TNRC18: variants seen among roughly 807,000 people sequenced by gnomAD.
TNRC18 encodes the protein trinucleotide repeat containing 18.
In TNRC18, 69 loss-of-function variants were observed where a neutral mutation model predicts 226.7. The ratio of observed to expected loss-of-function variants is 0.30; its 90% confidence interval spans 0.25 to 0.37. The LOEUF is 0.37. TNRC18 is among the 10% of genes least tolerant of loss of function. The pLI is 1.00. For missense variants in TNRC18, 4,754 were observed against 4,256.6 expected, an observed-to-expected ratio of 1.12 and a Z score of -3.25; for synonymous variants, 2,449 against 1,927.6, an observed-to-expected ratio of 1.27 and a Z score of -7.09.
In TNRC18 at chr7:5,336,745, C is replaced by T. The variant is rs147586272; in HGVS notation, c.5720-3696G>A. On this transcript the variant is annotated intron_variant, in intron 18 of 29. Coordinates refer to ENST00000430969, the MANE Select transcript of TNRC18 (RefSeq NM_001080495.3). Reference sequence around the variant, plus strand: ...TGACAGAGCAAGACCCTGTCTCAAACAACACAAAGAAATTATAAAACTGAG... The same window carrying T: ...TGACAGAGCAAGACCCTGTCTCAAATAACACAAAGAAATTATAAAACTGAG... Among the ~76,000 whole-genome samples, 336 of 152,016 alleles carry T rather than the reference C, an allele frequency of 2.2e-3. 1 individual carries two copies. The highest frequency in any genetic ancestry group is 7.6e-3 in the African/African-American group (314 of 41,456).
chr7:5,419,465 GCACA>G (rs888193315), intron 2 of TNRC18, among the ~76,000 whole-genome samples: 1 of 151,696 alleles, frequency 6.6e-6, no homozygotes, highest in Non-Finnish European at 1.5e-5. Flanking sequence ...ACACACGCAT[GCACA>G]CACACACACA....
intron 3 of TNRC18, among the ~76,000 whole-genome samples, chr7:5,390,877 C>T (rs1047000471): frequency 6.6e-6 from 1 of 151,746 alleles, no homozygotes; most frequent in Non-Finnish European, 1.5e-5. Context: ...AGAATGGATC[C>T]AACTAGCGGG....
chr7:5,383,257 G>T (rs1248385580), intron 5 of TNRC18, among the ~76,000 whole-genome samples: 1 of 152,094 alleles, frequency 6.6e-6, no homozygotes, highest in African/African-American at 2.4e-5. Context: ...GACTGCGTGG[G>T]GCTCACAAAT....
chr7:5,346,889 G>C (rs1054939598), intron 17 of TNRC18, among the ~76,000 whole-genome samples: 2 of 152,206 alleles, frequency 1.3e-5, no homozygotes, highest in African/African-American at 4.8e-5. Context: ...GTGACTTGCA[G>C]GCAGGAACTG....
chr7:5,393,472 G>C (rs1057440108), intron 3 of TNRC18, among the ~76,000 whole-genome samples: 1 of 152,200 alleles, frequency 6.6e-6, no homozygotes, highest in African/African-American at 2.4e-5. Flanking sequence ...CGCAGGATTC[G>C]GGATGACGGT....
At chr7:5,314,660 G>T (rs575966573) in intron 26 of TNRC18, among the ~76,000 whole-genome samples, 37 of 140,432 alleles carry the variant, frequency 2.6e-4, no homozygotes, top group Middle Eastern at 4.1e-3. Context: ...GCAACCTCCA[G>T]CTCCCAGGTT....
At chr7:5,344,689 G>A (rs530714581) in intron 18 of TNRC18, among the ~76,000 whole-genome samples, 13 of 152,152 alleles carry the variant, frequency 8.5e-5, no homozygotes, top group Middle Eastern at 3.4e-3. Flanking sequence ...AAAGGATGCC[G>A]GGGGGGTCAG....
In TNRC18 at chr7:5,356,917, G is replaced by A. The variant is rs772416393; in HGVS notation, c.5193C>T (p.Tyr1731=). 5 of 1,541,836 alleles carry A rather than the reference G, an allele frequency of 3.2e-6. No homozygotes were observed. Among genetic ancestry groups the A allele is most frequent in the South Asian group, 2.4e-5 (2 of 82,702 alleles). The stretch of plus-strand genomic sequence containing the variant: ...GGTGGCGCGGCATACGCTACTTACT[G>A]TAAGAGTAGCTGCTCACTTCCGAGG... ...PFASEVSSYS[Y]NTDSEEDEEF... is the part of the protein sequence containing the mutation. Residue 1731 remains tyrosine (Y), a splice_region_variant and synonymous_variant, in exon 16 of 30, where the codon TAC becomes TAT. Coordinates refer to ENST00000430969, the MANE Select transcript of TNRC18 (RefSeq NM_001080495.3).
chr7:5,418,225 C>T (rs1584134259), intron 2 of TNRC18, among the ~76,000 whole-genome samples: 1 of 152,218 alleles, frequency 6.6e-6, no homozygotes, highest in Admixed American at 6.5e-5. Flanking sequence ...GTTACATGCC[C>T]ATCTCCCAGA....
Position 5,345,724 on chromosome 7 carries a change from C to T in TNRC18, c.5557G>A (p.Glu1853Lys). ...SGGGYRLGAR[E>K]RALSPGLEES... ...TCCAGGCCCGGTGACAGGGCCCGCT[C>T]CCGGGCACCCAGCCTGTAGCCACCA... is the stretch of plus-strand genomic sequence containing the variant. The change falls in exon 18 of 30, where the codon GAG (glutamate) becomes AAG (lysine). Residue 1853 changes from glutamate (E) to lysine (K), a missense_variant. By Grantham distance (56) the Glu-to-Lys change is moderately conservative (BLOSUM62 1). Coordinates refer to ENST00000430969, the MANE Select transcript of TNRC18 (RefSeq NM_001080495.3). 1 of 1,548,590 alleles carries T rather than the reference C, an allele frequency of 6.5e-7. No individual in the cohort carries two copies. Among genetic ancestry groups the T allele is most frequent in the African/African-American group, 1.4e-5 (1 of 73,144 alleles).
intron 17 of TNRC18, among the ~76,000 whole-genome samples, chr7:5,350,873 G>A (rs1307262069): frequency 6.6e-6 from 1 of 152,158 alleles, no homozygotes; most frequent in Non-Finnish European, 1.5e-5. Flanking sequence ...CAACGGAGCC[G>A]CTTTCGTATT....
At chr7:5,420,134 G>A (rs531538896) in intron 2 of TNRC18, 1 of 326,436 alleles carries the variant, frequency 3.1e-6, no homozygotes, top group East Asian at 1.0e-4. Flanking sequence ...AGCGGCCGCG[G>A]ACTGACTGGA....
chr7:5,372,234 AT>A (rs754751204), intron 10 of TNRC18, among the ~76,000 whole-genome samples: 6,341 of 141,526 alleles, frequency 0.045, 393 homozygotes, highest in African/African-American at 0.14. Context: ...TGCCTGGCTA[AT>A]TTTTTTTTTT....
intron 17 of TNRC18, among the ~76,000 whole-genome samples, chr7:5,350,006 A>C (rs1791617140): frequency 6.6e-6 from 1 of 151,514 alleles, no homozygotes; most frequent in South Asian, 2.1e-4. Context: ...CCTTCCTAAG[A>C]GGCCTAGGGC....
Position 5,342,816 on chromosome 7 carries a change from G to A in TNRC18, c.5719+2746C>T, listed in dbSNP as rs980725609. Among the ~76,000 whole-genome samples, 6 of 152,172 alleles carry A rather than the reference G, an allele frequency of 3.9e-5. No individual in the cohort carries two copies. The East Asian group carries it at 5.8e-4, about 15-fold the overall frequency. On this transcript the variant is annotated intron_variant, in intron 18 of 29. Transcript: ENST00000430969. ...GTAAAACGCTATCACAGTATTGCAT[G>A]TTACAGAGAAATCTTTCTTGAAAGA...
intron 9 of TNRC18, 88 bp from the exon 10 acceptor site, chr7:5,374,572 C>A (rs369038108): frequency 7.3e-7 from 1 of 1,375,362 alleles, no homozygotes; most frequent in Non-Finnish European, 9.6e-7. Flanking sequence ...CAAGGGTCCC[C>A]GAGTCCGAGG....
At chr7:5,318,005 G>T (rs1788022109) in intron 24 of TNRC18, among the ~76,000 whole-genome samples, 1 of 152,142 alleles carries the variant, frequency 6.6e-6, no homozygotes. Flanking sequence ...CCGAGTAGCT[G>T]GGATTACAGG....
chr7:5,390,376 A>G (rs1441100964), intron 4 of TNRC18, 109 bp downstream of exon 4: 3 of 1,205,550 alleles, frequency 2.5e-6, no homozygotes, highest in Admixed American at 5.6e-5. Flanking sequence ...AAAAAAAAAA[A>G]AAAGCCAGCA....
chr7:5,375,994 G>T, intron 9 of TNRC18, 40 bp downstream of exon 9: 1 of 1,547,116 alleles, frequency 6.5e-7, no homozygotes. Context: ...CACCCATGGG[G>T]GCCCCCAGAG....
Sources: gnomAD v4.1 joint callset for allele counts (sites outside exome capture counted in the v4.1 genomes callset) on GRCh38, gnomAD v4.1.1 for gene constraint, MANE v1.5 for transcripts, NCBI Gene and HGNC (gene_info 2026-07-23, HGNC 2026-07-21) for gene names.